COL8A1: variants seen among roughly 807,000 people sequenced by gnomAD.
The protein encoded by COL8A1 is collagen type VIII alpha 1 chain.
COL8A1 carries 21 observed loss-of-function variants against 42.7 expected under a neutral mutation model. The observed-to-expected ratio is 0.49, with a 90% confidence interval of 0.35 to 0.71. The LOEUF is 0.71. Ranked by LOEUF, COL8A1 falls within the 30% of genes least tolerant of loss-of-function variation. The pLI is 0.01. For missense variants in COL8A1, 788 were observed against 962.4 expected, an observed-to-expected ratio of 0.82 and a Z score of 2.40; for synonymous variants, 367 against 369.1, an observed-to-expected ratio of 0.99 and a Z score of 0.06.
chr3:99,767,997 G>C (rs1469307633), intron 2 of COL8A1, among the ~76,000 whole-genome samples: 2 of 152,152 alleles, frequency 1.3e-5, no homozygotes, highest in Admixed American at 1.3e-4. Context: ...ATGGAAGCTT[G>C]TCTGCATAAA....
At chr3:99,660,956 G>A (rs1469408070) in intron 1 of COL8A1, among the ~76,000 whole-genome samples, 1 of 152,136 alleles carries the variant, frequency 6.6e-6, no homozygotes, top group East Asian at 1.9e-4. Context: ...ACCTCATGCA[G>A]TGCTGGAAAG....
At chr3:99,663,198 T>G (rs1938260533) in intron 1 of COL8A1, among the ~76,000 whole-genome samples, 1 of 152,182 alleles carries the variant, frequency 6.6e-6, no homozygotes, top group Non-Finnish European at 1.5e-5. Context: ...GGTCTCACTC[T>G]GTTGTTGCCC....
At chr3:99,647,371 A>G (rs1348780117) in intron 1 of COL8A1, among the ~76,000 whole-genome samples, 1 of 152,228 alleles carries the variant, frequency 6.6e-6, no homozygotes, top group Non-Finnish European at 1.5e-5. Context: ...AGAGATTTCT[A>G]AAACCCAGGG....
chr3:99,646,052 C>T (rs1305401684), intron 1 of COL8A1, among the ~76,000 whole-genome samples: 1 of 152,102 alleles, frequency 6.6e-6, no homozygotes, highest in Non-Finnish European at 1.5e-5. Flanking sequence ...AACCTGCTCC[C>T]CTAAATCTGG....
rs1193438246 is a variant in COL8A1 at position 99,736,164 on chromosome 3, C to T, written c.-128-8733C>T. Among the ~76,000 whole-genome samples, 238 of 151,888 alleles carry T rather than the reference C, an allele frequency of 1.6e-3. 1 individual carries two copies. The highest frequency in any genetic ancestry group is 1.9e-4 in the African/African-American group (8 of 41,422). On this transcript the variant is annotated intron_variant, in intron 1 of 3. Coordinates refer to ENST00000652472, the MANE Select transcript of COL8A1 (RefSeq NM_020351.4). ...GTCTCTATTTCCTTCAGTTCTGCTC[C>T]GATTTTAGTTATTTCTTGCCTTCTG...
At chr3:99,772,747 G>A (rs1941604812) in intron 2 of COL8A1, among the ~76,000 whole-genome samples, 1 of 152,196 alleles carries the variant, frequency 6.6e-6, no homozygotes, top group Non-Finnish European at 1.5e-5. Context: ...TGATGGGGAT[G>A]CCAAAGGATC....
At chr3:99,691,773 G>C (rs1939228222) in intron 1 of COL8A1, 1 of 149,472 alleles carries the variant, frequency 6.7e-6, no homozygotes, top group Non-Finnish European at 1.5e-5. Context: ...CTGAGGCCCA[G>C]AGAGGTAAAG....
In COL8A1 at chr3:99,794,439, G is replaced by C; in HGVS notation, c.538G>C (p.Glu180Gln). 1 of 1,614,006 alleles carries C rather than the reference G, an allele frequency of 6.2e-7. No homozygotes were observed. The highest frequency in any genetic ancestry group is 8.5e-7 in the Non-Finnish European group (1 of 1,179,944). The change falls in exon 4 of 4, where the codon GAA becomes CAA. Residue 180 changes from glutamate to glutamine, a missense_variant. Physicochemically the swap from Glu to Gln is conservative, Grantham distance 29 (BLOSUM62 2). This residue lies in a region of COL8A1 where 421 missense variants were observed against 553.1 expected (regional missense o/e 0.76). Coordinates refer to ENST00000652472, the MANE Select transcript of COL8A1 (RefSeq NM_020351.4). The surrounding 1 kb of genome is among the most constrained non-coding windows in gnomAD (Gnocchi z 4.3). The stretch of plus-strand genomic sequence containing the variant: ...CATGGGCATGCCTGGGGCAAAAGGA[G>C]AAATTGGACAGAAAGGGGAAATTGG... ...GAMGMPGAKGEIGQKGEIGPM... is the reference protein window; with the variant it reads ...GAMGMPGAKGQIGQKGEIGPM...
chr3:99,761,486 C>T (rs578099896), intron 2 of COL8A1, among the ~76,000 whole-genome samples: 5 of 152,316 alleles, frequency 3.3e-5, no homozygotes, highest in African/African-American at 1.2e-4. Flanking sequence ...ATTTCTAAGA[C>T]TAAGTTTCTT....
At chr3:99,683,672 A>G (rs1355119763) in intron 1 of COL8A1, among the ~76,000 whole-genome samples, 1 of 152,000 alleles carries the variant, frequency 6.6e-6, no homozygotes, top group Non-Finnish European at 1.5e-5. Flanking sequence ...GATTTCTTCC[A>G]GCCTGAGCTT....
At chr3:99,773,525 T>A (rs1941619811) in intron 2 of COL8A1, among the ~76,000 whole-genome samples, 3 of 152,094 alleles carry the variant, frequency 2.0e-5, no homozygotes, top group Admixed American at 2.0e-4. Context: ...ATTGTGGGGA[T>A]CTTTATTTTA....
rs1559640089 is a variant in COL8A1 at position 99,798,046 on chromosome 3, GGA to G, written c.*1911_*1912del. 4 of 152,190 alleles carry G rather than the reference GGA, an allele frequency of 2.6e-5. No homozygotes were observed. In the South Asian group the frequency reaches 8.3e-4, roughly 32 times the overall value. 9.4% of individuals were successfully genotyped at this position (152,190 alleles called of 1,614,324 possible). ...TCAAAAATAAAACCATGAGTTAAGG[GGA>G]TAGATATAGATGGAAAAATACACAA... On this transcript the variant is annotated 3_prime_UTR_variant, in exon 4 of 4. Coordinates refer to ENST00000652472, the MANE Select transcript of COL8A1 (RefSeq NM_020351.4).
intron 1 of COL8A1, among the ~76,000 whole-genome samples, chr3:99,674,630 A>T (rs904949726): frequency 6.6e-6 from 1 of 152,008 alleles, no homozygotes; most frequent in Non-Finnish European, 1.5e-5. Context: ...CCTGGAAAAA[A>T]TGCTAGAAAT....
At position 99,794,501 on chromosome 3, in the gene COL8A1, G is replaced by A. The variant is rs759068904; in HGVS notation, c.600G>A (p.Gly200=). Residue 200 remains glycine, a synonymous_variant, in exon 4 of 4, where the codon GGG becomes GGA. Coordinates refer to ENST00000652472, the MANE Select transcript of COL8A1 (RefSeq NM_020351.4). The surrounding 1 kb of genome is among the most constrained non-coding windows in gnomAD (Gnocchi z 4.3). Reference sequence around the variant, plus strand: ...TCCCAGGACCACAAGGACCTCCAGGGCCTCATGGACTTCCTGGCATTGGGA... The same window carrying A: ...TCCCAGGACCACAAGGACCTCCAGGACCTCATGGACTTCCTGGCATTGGGA... ...MGIPGPQGPP[G]PHGLPGIGKP... 22 of 1,614,034 alleles carry A rather than the reference G, an allele frequency of 1.4e-5. No individual in the cohort carries two copies. Among genetic ancestry groups the A allele is most frequent in the Non-Finnish European group, 1.8e-5 (21 of 1,179,968 alleles).
At chr3:99,771,117 C>T (rs183979904) in intron 2 of COL8A1, among the ~76,000 whole-genome samples, 5 of 152,102 alleles carry the variant, frequency 3.3e-5, no homozygotes, top group East Asian at 3.9e-4. Context: ...TCAGTGTGGC[C>T]GATGCTTATT....
intron 1 of COL8A1, among the ~76,000 whole-genome samples, chr3:99,653,636 C>G: frequency 6.6e-6 from 1 of 151,602 alleles, no homozygotes; most frequent in Non-Finnish European, 1.5e-5. Flanking sequence ...AAAAATGTGG[C>G]TGTTCTGAGT....
At chr3:99,745,857 G>A (rs548532135) in intron 2 of COL8A1, among the ~76,000 whole-genome samples, 62 of 150,398 alleles carry the variant, frequency 4.1e-4, no homozygotes, top group Non-Finnish European at 6.9e-4. Context: ...ACAACATACC[G>A]TCCATTTCTG....
intron 1 of COL8A1, among the ~76,000 whole-genome samples, chr3:99,743,952 G>C (rs190027847): frequency 1.4e-5 from 2 of 143,642 alleles, no homozygotes; most frequent in African/African-American, 5.2e-5. Context: ...TTTTTGAGAC[G>C]TAGTCTCACT....
intron 2 of COL8A1, among the ~76,000 whole-genome samples, chr3:99,777,109 G>A (rs1212204437): frequency 1.3e-5 from 2 of 152,092 alleles, no homozygotes; most frequent in Non-Finnish European, 2.9e-5. Context: ...GACTAAGAAT[G>A]CCTTAACCTC....
Sources: allele counts gnomAD v4.1 joint callset (sites outside exome capture counted in the v4.1 genomes callset), GRCh38; gene constraint gnomAD v4.1.1; regional missense constraint gnomAD v4.1.1; non-coding constraint Gnocchi (gnomAD v3.1); transcripts MANE v1.5; gene names NCBI Gene and HGNC (gene_info 2026-07-23, HGNC 2026-07-21).